MPRIP: variants seen among roughly 807,000 people sequenced by gnomAD.
MPRIP encodes myosin phosphatase Rho-interacting protein.
Under a neutral mutation model 234.9 loss-of-function variants are expected in MPRIP, and 59 were observed. That is an observed-to-expected ratio of 0.25 (90% confidence interval 0.20 to 0.31). MPRIP has a LOEUF of 0.31. Among genes scored for constraint, MPRIP ranks in the 10% least tolerant of loss-of-function variants. The pLI is 1.00. For synonymous variants in MPRIP, 1,144 were observed against 1,263.9 expected, an observed-to-expected ratio of 0.91 and a Z score of 2.01; for missense variants, 2,436 against 3,071.0, an observed-to-expected ratio of 0.79 and a Z score of 4.89.
intron 5 of MPRIP, among the ~76,000 whole-genome samples, chr17:17,133,692 C>A (rs376199351): frequency 1.1e-4 from 17 of 152,188 alleles, no homozygotes; most frequent in Admixed American, 5.2e-4. Flanking sequence ...GAAGGTTCTG[C>A]TTCCAGAAGT....
chr17:17,173,834 G>C (rs774141807), intron 18 of MPRIP, 82 bp from the exon 19 acceptor site: 29 of 1,520,236 alleles, frequency 1.9e-5, no homozygotes, highest in Admixed American at 1.2e-4. Context: ...GCTTGGCTGT[G>C]TCTGGTGTCA....
chr17:17,180,767 A>G, intron 23 of MPRIP: 2 of 1,253,882 alleles, frequency 1.6e-6, no homozygotes, highest in South Asian at 2.5e-5. Flanking sequence ...TGCTCCAACA[A>G]ACACATACCA....
chr17:17,111,722 C>G (rs1314232340), intron 3 of MPRIP, among the ~76,000 whole-genome samples: 4 of 152,164 alleles, frequency 2.6e-5, no homozygotes, highest in Non-Finnish European at 5.9e-5. Context: ...ACTGACTCAG[C>G]TGTTACGGGC....
intron 1 of MPRIP, among the ~76,000 whole-genome samples, chr17:17,049,904 A>T (rs1490525201): frequency 6.6e-6 from 1 of 152,180 alleles, no homozygotes; most frequent in Non-Finnish European, 1.5e-5. Context: ...AAGTAAAAAG[A>T]GGGGCCGGGT....
chr17:17,118,535 G>A (rs1283570462), intron 3 of MPRIP, among the ~76,000 whole-genome samples: 1 of 152,224 alleles, frequency 6.6e-6, no homozygotes, highest in Non-Finnish European at 1.5e-5. Flanking sequence ...GTTCCATGCA[G>A]CTTCAGGAGG....
At chr17:17,156,762 T>C (rs1433707087) in intron 13 of MPRIP, among the ~76,000 whole-genome samples, 3 of 152,226 alleles carry the variant, frequency 2.0e-5, no homozygotes, top group East Asian at 1.9e-4. Flanking sequence ...CCAGGAGCTC[T>C]TAGTTCAGTG....
intron 3 of MPRIP, among the ~76,000 whole-genome samples, chr17:17,107,501 C>G (rs190980093): frequency 1.4e-4 from 21 of 152,326 alleles, no homozygotes; most frequent in African/African-American, 4.8e-4. Context: ...CCTTGTGAGC[C>G]TGACACTGTT....
chr17:17,096,684 A>G (rs569762108), intron 3 of MPRIP: 5 of 462,590 alleles, frequency 1.1e-5, no homozygotes, highest in African/African-American at 2.0e-5. Flanking sequence ...GCCTTGAGCA[A>G]TACCATCAGG....
chr17:17,061,287 A>G (rs1223308242), intron 1 of MPRIP, among the ~76,000 whole-genome samples: 2 of 152,210 alleles, frequency 1.3e-5, no homozygotes, highest in African/African-American at 4.8e-5. Flanking sequence ...ACAACCTTGA[A>G]GTCTCCCATG....
intron 3 of MPRIP, among the ~76,000 whole-genome samples, chr17:17,111,569 G>A (rs1419522844): frequency 6.6e-6 from 1 of 152,218 alleles, no homozygotes; most frequent in African/African-American, 2.4e-5. Flanking sequence ...CCTGGCAACG[G>A]GTGGCCCCTG....
chr17:17,093,043 T>G (rs1289989713), intron 3 of MPRIP, among the ~76,000 whole-genome samples: 2 of 152,206 alleles, frequency 1.3e-5, no homozygotes, highest in African/African-American at 4.8e-5. Context: ...TGCATAGAAG[T>G]CTAGCCTTAG....
intron 23 of MPRIP, among the ~76,000 whole-genome samples, chr17:17,184,253 G>A (rs1271521562): frequency 2.0e-5 from 3 of 152,224 alleles, no homozygotes; most frequent in African/African-American, 4.8e-5. Context: ...ATACGTTGGC[G>A]TGTTCCCACA....
chr17:17,049,994 C>T (rs913135603), intron 1 of MPRIP, among the ~76,000 whole-genome samples: 9 of 149,840 alleles, frequency 6.0e-5, no homozygotes, highest in African/African-American at 2.2e-4. Context: ...CAAGACCATC[C>T]TGGCTAACAC....
Position 17,131,753 on chromosome 17 carries a change from G to A in MPRIP, c.504+52G>A, listed in dbSNP as rs746501408. 14 of 1,535,112 alleles carry A rather than the reference G, an allele frequency of 9.1e-6. No homozygotes were observed. The South Asian group carries it at 1.2e-4, about 13-fold the overall frequency. On this transcript the variant is annotated intron_variant, in intron 5 of 23. Coordinates refer to ENST00000651222, the MANE Select transcript of MPRIP (RefSeq NM_001364716.4). Reference sequence around the variant, plus strand: ...TCCCCTCAGTGGAGCCAGGGCTTGGGAAGAAGTGAGGGCTCCCTGAGGTTA... The same window carrying A: ...TCCCCTCAGTGGAGCCAGGGCTTGGAAAGAAGTGAGGGCTCCCTGAGGTTA...
chr17:17,063,437 CTG>C (rs1429595034), intron 1 of MPRIP, among the ~76,000 whole-genome samples: 1 of 152,152 alleles, frequency 6.6e-6, no homozygotes, highest in East Asian at 1.9e-4. Flanking sequence ...TTTGAGGGGT[CTG>C]TGTATGAGAC....
At position 17,165,426 on chromosome 17, in the gene MPRIP, G is replaced by A. The variant is rs752893531; in HGVS notation, c.3835G>A (p.Gly1279Ser). The A allele has an allele frequency of 1.8e-5, 24 of 1,304,088 alleles. No homozygotes were observed. Among genetic ancestry groups the A allele is most frequent in the Non-Finnish European group, 2.0e-5 (20 of 988,964 alleles). 80.8% of individuals were successfully genotyped at this position (1,304,088 alleles called of 1,614,324 possible). Reference sequence around the variant, plus strand: ...GGGGGCTCCTCCGGGGGAAGAGTACGGTGATGGCAGCCCCAGTAGGGAAGA... The same window carrying A: ...GGGGGCTCCTCCGGGGGAAGAGTACAGTGATGGCAGCCCCAGTAGGGAAGA... ...DLGAPPGEEY[G>S]DGSPSREDSM... The change falls in exon 16 of 24, where the codon GGT (glycine) becomes AGT (serine). Residue 1279 changes from glycine (G) to serine (S), a missense_variant. Gly to Ser is a moderately conservative substitution (Grantham distance 56, BLOSUM62 0). Coordinates refer to ENST00000651222, the MANE Select transcript of MPRIP (RefSeq NM_001364716.4).
Position 17,164,802 on chromosome 17 carries a change from G to A in MPRIP, c.3211G>A (p.Ala1071Thr), listed in dbSNP as rs1323565843. The change falls in exon 16 of 24, where the codon GCC (alanine) becomes ACC (threonine). Residue 1071 changes from alanine (A) to threonine (T), a missense_variant. Coordinates refer to ENST00000651222, the MANE Select transcript of MPRIP (RefSeq NM_001364716.4). ...GACCCTGCAGAAGGAGAAGCTGAGC[G>A]CCACTTTCGAGGGCAGTGAGCAGGT... ...VETLQKEKLSATFEGSEQVHQ... is the reference protein window; with the variant it reads ...VETLQKEKLSTTFEGSEQVHQ... The A allele has an allele frequency of 9.2e-6, 12 of 1,304,074 alleles. No homozygotes were observed. Among genetic ancestry groups the A allele is most frequent in the African/African-American group, 6.1e-5 (4 of 65,870 alleles). The allele number at this position is 1,304,074 out of a possible 1,614,324, so 80.8% of individuals were successfully genotyped here.
chr17:17,044,749 T>A lies in MPRIP; in HGVS notation c.123+1778T>A, dbSNP rs1006351717. On this transcript the variant is annotated intron_variant, in intron 1 of 23. Transcript: ENST00000651222. Reference sequence around the variant, plus strand: ...GAGTCCAATCTGCTAAGATTTTTTTTAATCTGTTGATTATTAATTGGATTC... The same window carrying A: ...GAGTCCAATCTGCTAAGATTTTTTTAAATCTGTTGATTATTAATTGGATTC... Among the ~76,000 whole-genome samples the A allele has an allele frequency of 3.9e-5, 6 of 152,342 alleles. No homozygotes were observed. The East Asian group carries it at 5.8e-4, about 15-fold the overall frequency.
At chr17:17,102,223 T>C (rs886398093) in intron 3 of MPRIP, among the ~76,000 whole-genome samples, 1 of 152,088 alleles carries the variant, frequency 6.6e-6, no homozygotes, top group African/African-American at 2.4e-5. Context: ...CCTGTCTGCG[T>C]TACCCATAGT....
Sources: gnomAD v4.1 joint callset for allele counts (sites outside exome capture counted in the v4.1 genomes callset) on GRCh38, gnomAD v4.1.1 for gene constraint, MANE v1.5 for transcripts, NCBI Gene and HGNC (gene_info 2026-07-23, HGNC 2026-07-21) for gene names.